The following TMEM233 variants were observed in gnomAD, a reference collection of about 807,000 sequenced individuals.
TMEM233 encodes transmembrane protein 233.
Under a neutral mutation model 11.2 loss-of-function variants are expected in TMEM233, and 6 were observed. That is an observed-to-expected ratio of 0.54 (90% CI 0.29 to 1.06). TMEM233 has a LOEUF of 1.06. Among genes scored for constraint, TMEM233 ranks in the 50% least tolerant of loss-of-function variants. TMEM233 has a pLI of 0.08. For missense variants in TMEM233, 127 were observed against 144.7 expected, an observed-to-expected ratio of 0.88 and a Z score of 0.63; for synonymous variants, 59 against 55.8, an observed-to-expected ratio of 1.06 and a Z score of -0.26.
At chr12:119,639,245 T>TC (rs1251248644) in intron 2 of TMEM233, among the ~76,000 whole-genome samples, 1 of 152,016 alleles carries the variant, frequency 6.6e-6, no homozygotes, top group East Asian at 1.9e-4. Context: ...TATGTCTGTT[T>TC]CCCCCCTACT....
At chr12:119,597,900 C>T (rs1193213156) in intron 1 of TMEM233, among the ~76,000 whole-genome samples, 3 of 152,166 alleles carry the variant, frequency 2.0e-5, no homozygotes, top group African/African-American at 4.8e-5. Context: ...CATATTGCAT[C>T]GTTGTGTGAA....
chr12:119,613,563 C>T (rs1954456207), intron 1 of TMEM233, among the ~76,000 whole-genome samples: 1 of 152,176 alleles, frequency 6.6e-6, no homozygotes, highest in Non-Finnish European at 1.5e-5. Flanking sequence ...CCTGTAATCC[C>T]AGCACTTTCG....
chr12:119,624,616 G>A (rs1954712258), intron 1 of TMEM233, among the ~76,000 whole-genome samples: 1 of 152,132 alleles, frequency 6.6e-6, no homozygotes, highest in African/African-American at 2.4e-5. Flanking sequence ...AATTTCACTT[G>A]CATGAGGTAC....
At chr12:119,601,431 C>A (rs561186870) in intron 1 of TMEM233, among the ~76,000 whole-genome samples, 1 of 151,956 alleles carries the variant, frequency 6.6e-6, no homozygotes, top group Non-Finnish European at 1.5e-5. Flanking sequence ...CCGAGGCGGG[C>A]GGATCACGAG....
At chr12:119,647,940 T>C (rs1302419638), downstream of TMEM233, among the ~76,000 whole-genome samples, 1 of 152,126 alleles carries the variant, frequency 6.6e-6, no homozygotes. Context: ...TGGCTGCCTC[T>C]CAGATCTCAT....
At chr12:119,597,796 T>C (rs1286315163) in intron 1 of TMEM233, among the ~76,000 whole-genome samples, 1 of 152,202 alleles carries the variant, frequency 6.6e-6, no homozygotes, top group Non-Finnish European at 1.5e-5. Context: ...TCTTCCTCTA[T>C]ATATTGAAAG....
intron 1 of TMEM233, among the ~76,000 whole-genome samples, chr12:119,619,816 T>G (rs538244623): frequency 6.6e-6 from 1 of 151,988 alleles, no homozygotes; most frequent in East Asian, 2.0e-4. Flanking sequence ...ACCTACTTAT[T>G]TTTACTTTTT....
intron 1 of TMEM233, among the ~76,000 whole-genome samples, chr12:119,623,906 T>C (rs79967421): frequency 0.017 from 2,516 of 152,284 alleles, 64 homozygotes; most frequent in African/African-American, 0.056. Flanking sequence ...TGATAAGACA[T>C]GGAATTTGAA....
chr12:119,627,441 A>G (rs1472597540), intron 1 of TMEM233, among the ~76,000 whole-genome samples: 1 of 152,252 alleles, frequency 6.6e-6, no homozygotes, highest in Non-Finnish European at 1.5e-5. Flanking sequence ...CTAAACAAAC[A>G]TGGCGCCAGT....
Position 119,615,173 on chromosome 12 carries a change from TAAAAAAAAAA to T in TMEM233, c.187-14539_187-14530del, listed in dbSNP as rs60318959. On this transcript the variant is annotated intron_variant, in intron 1 of 2. Transcript: ENST00000426426. Reference sequence around the variant, plus strand: ...AGGTCTCAGTCTACCCGCTTTCTGCTAAAAAAAAAAAAAAAAAAAAAAAAAAAAAAAAACT... The same window carrying T: ...AGGTCTCAGTCTACCCGCTTTCTGCTAAAAAAAAAAAAAAAAAAAAAAACT... Among the ~76,000 whole-genome samples, 19 of 56,198 alleles carry T rather than the reference TAAAAAAAAAA, an allele frequency of 3.4e-4. No individual in the cohort carries two copies. The South Asian group carries it at 5.9e-3, about 17-fold the overall frequency. 36.9% of individuals were successfully genotyped at this position (56,198 alleles called of 152,430 possible). A position where few individuals can be genotyped will look rare whatever the true frequency, so the allele number is the denominator to read the frequency against.
the TMEM233 span, among the ~76,000 whole-genome samples, chr12:119,654,039 G>A: frequency 8.0e-5 from 12 of 150,084 alleles, no homozygotes; most frequent in Admixed American, 8.0e-4. Flanking sequence ...CAAATTACTG[G>A]AAAAAGAAAA....
chr12:119,652,033 T>A, the TMEM233 span, among the ~76,000 whole-genome samples: 2 of 152,116 alleles, frequency 1.3e-5, no homozygotes, highest in African/African-American at 2.4e-5. Context: ...CAAAAAAATT[T>A]AAAAATTAAT....
At chr12:119,649,342 A>G in the TMEM233 span, among the ~76,000 whole-genome samples, 1 of 152,160 alleles carries the variant, frequency 6.6e-6, no homozygotes, top group Non-Finnish European at 1.5e-5. Context: ...AGAGAAAAGA[A>G]GAGAAAAAGA....
the TMEM233 span, among the ~76,000 whole-genome samples, chr12:119,654,082 C>T: frequency 3.3e-5 from 5 of 151,354 alleles, no homozygotes; most frequent in Non-Finnish European, 5.9e-5. Context: ...AAAAATGATA[C>T]ATCACGTACA....
chr12:119,622,305 GA>G (rs1187208619), intron 1 of TMEM233, among the ~76,000 whole-genome samples: 2 of 152,284 alleles, frequency 1.3e-5, no homozygotes, highest in Non-Finnish European at 2.9e-5. Context: ...TAGGGAAAGA[GA>G]TTTACTATTG....
At position 119,612,877 on chromosome 12, in the gene TMEM233, AC is replaced by A. The variant is rs1183534689; in HGVS notation, c.187-16857del. ...CAAGGCTGCAGTGAGCCATGATCTC[AC>A]CACTGCATTCCAGGTGATGTAATGA... is the stretch of plus-strand genomic sequence containing the variant. On this transcript the variant is annotated intron_variant, in intron 1 of 2. Transcript: ENST00000426426. Among the ~76,000 whole-genome samples, 6 of 152,258 alleles carry A rather than the reference AC, an allele frequency of 3.9e-5. No individual in the cohort carries two copies. In the South Asian group the frequency reaches 1.2e-3, roughly 32 times the overall value.
At chr12:119,631,596 C>A in intron 2 of TMEM233, 1 of 985,420 alleles carries the variant, frequency 1.0e-6, no homozygotes, top group South Asian at 4.7e-5. Context: ...GGAGAATACA[C>A]GTGAATGAAC....
chr12:119,594,268 C>A lies in TMEM233; in HGVS notation c.186+234C>A, dbSNP rs1953983870. 2 of 502,966 alleles carry A rather than the reference C, an allele frequency of 4.0e-6. No homozygotes were observed. Among genetic ancestry groups the A allele is most frequent in the African/African-American group, 3.9e-5 (2 of 51,016 alleles). 31.2% of individuals were successfully genotyped at this position (502,966 alleles called of 1,614,324 possible). A position where few individuals can be genotyped will look rare whatever the true frequency, so the allele number is the denominator to read the frequency against. ...TACTCAGAGCCCTGATCAAGCTTCC[C>A]CCAGGCTAGCTTTCCTCTTCTTTCC... On this transcript the variant is annotated intron_variant, in intron 1 of 2. Coordinates refer to ENST00000426426, the MANE Select transcript of TMEM233 (RefSeq NM_001136534.3). This position sits in a 1 kb window ranked among gnomAD's most constrained non-coding sequence, Gnocchi z 5.6.
At chr12:119,604,826 G>A (rs187041073) in intron 1 of TMEM233, among the ~76,000 whole-genome samples, 23 of 151,912 alleles carry the variant, frequency 1.5e-4, no homozygotes, top group Non-Finnish European at 2.4e-4. Flanking sequence ...TAGAAACAGG[G>A]TCTCCCTGTG....
Sources: gnomAD v4.1 joint callset for allele counts (sites outside exome capture counted in the v4.1 genomes callset) on GRCh38, gnomAD v4.1.1 for gene constraint, Gnocchi (gnomAD v3.1) non-coding constraint, MANE v1.5 for transcripts, NCBI Gene and HGNC (gene_info 2026-07-23, HGNC 2026-07-21) for gene names.